Variants in CDKN2B-AS1 observed in about 807,000 individuals in gnomAD.
The protein encoded by CDKN2B-AS1 is CDKN2B antisense RNA 1 (non-protein coding).
chr9:22,013,082 A>C (rs1055251293), intron 1 of CDKN2B-AS1, among the ~76,000 whole-genome samples: 39 of 152,152 alleles, frequency 2.6e-4, no homozygotes, highest in Non-Finnish European at 8.8e-5. Flanking sequence ...CTCTTCACAT[A>C]GTCATCCCTC....
At chr9:22,071,126 A>G (rs912278034) in intron 4 of CDKN2B-AS1, among the ~76,000 whole-genome samples, 2 of 151,046 alleles carry the variant, frequency 1.3e-5, no homozygotes, top group African/African-American at 2.4e-5. Context: ...TTTTTAAAAA[A>G]TTCAATTGCA....
rs1820899973 is a variant in CDKN2B-AS1 at position 22,001,100 on chromosome 9, CAG to C, written n.29+5942_29+5943del. ...ATTCGTTTAAAATGGAATGGAGACC[CAG>C]AGGTCACATAAGACAGGGTTCAGAG... On this transcript the variant is annotated intron_variant and non_coding_transcript_variant, in intron 1 of 4. Coordinates refer to ENST00000650946, the Ensembl canonical transcript of CDKN2B-AS1. The surrounding 1 kb of genome is among the most constrained non-coding windows in gnomAD (Gnocchi z 4.2). Among the ~76,000 whole-genome samples the C allele has an allele frequency of 6.6e-6, 1 of 152,052 alleles. No individual in the cohort carries two copies. The highest frequency in any genetic ancestry group is 1.5e-5 in the Non-Finnish European group (1 of 67,992).
At chr9:22,045,038 T>TGTGTGTGTGTG (rs58026190) in intron 1 of CDKN2B-AS1, among the ~76,000 whole-genome samples, 274 of 141,934 alleles carry the variant, frequency 1.9e-3, no homozygotes, top group African/African-American at 6.5e-3. Context: ...TATTATTTAT[T>TGTGTGTGTGTG]TGTGTGTGTG....
intron 4 of CDKN2B-AS1, among the ~76,000 whole-genome samples, chr9:22,069,956 A>G (rs961565576): frequency 1.3e-5 from 2 of 152,008 alleles, no homozygotes; most frequent in African/African-American, 2.4e-5. Context: ...TCCGCCTCCC[A>G]GGTTCAAGTG....
intron 1 of CDKN2B-AS1, among the ~76,000 whole-genome samples, chr9:22,042,178 T>C (rs979884914): frequency 1.3e-5 from 2 of 152,056 alleles, no homozygotes; most frequent in Non-Finnish European, 2.9e-5. Flanking sequence ...TCAGAAGTTC[T>C]CTTTCCTATT....
intron 4 of CDKN2B-AS1, among the ~76,000 whole-genome samples, chr9:22,099,727 A>T (rs1016861660): frequency 2.8e-5 from 4 of 144,356 alleles, no homozygotes; most frequent in Admixed American, 1.4e-4. Context: ...TTAGATCCTG[A>T]TGTGGTATTA....
At chr9:22,003,287 T>A (rs1821002901) in intron 1 of CDKN2B-AS1, 1 of 204,590 alleles carries the variant, frequency 4.9e-6, no homozygotes, top group African/African-American at 2.3e-5. Context: ...TAAAAAAAAC[T>A]AACAAAACAA....
rs1488642912 is a variant in CDKN2B-AS1, at chr9:22,001,960, T to C, written n.29+6799T>C. Among the ~76,000 whole-genome samples the C allele has an allele frequency of 6.6e-6, 1 of 152,102 alleles. No individual in the cohort carries two copies. On this transcript the variant is annotated intron_variant and non_coding_transcript_variant, in intron 1 of 4. Transcript: ENST00000650946. This position sits in a 1 kb window ranked among gnomAD's most constrained non-coding sequence, Gnocchi z 4.2. ...TGTCGTTATAAGTAGAATAGGAAAA[T>C]ATTGAAAGTATTGAGGCTCAACTGT...
At position 22,095,105 on chromosome 9, in the gene CDKN2B-AS1, C is replaced by T. The variant is rs1339780455; in HGVS notation, n.439-31998C>T. ...CAGACGCTGTTTGCCTGGGTATCAG[C>T]AGCGGAGGCTGCAGAACGGCGAATG... On this transcript the variant is annotated intron_variant and non_coding_transcript_variant, in intron 4 of 4. Transcript: ENST00000650946. 7.6e-5 allele frequency among the ~76,000 whole-genome samples: 11 copies of T among 144,896 alleles called. 1 individual carries two copies. The highest frequency in any genetic ancestry group is 1.2e-4 in the Non-Finnish European group (8 of 67,906).
At chr9:22,055,965 A>G (rs954538319) in intron 3 of CDKN2B-AS1, among the ~76,000 whole-genome samples, 1 of 152,066 alleles carries the variant, frequency 6.6e-6, no homozygotes, top group Admixed American at 6.6e-5. Flanking sequence ...GGAAGAAAGC[A>G]TATTTTATTA....
At chr9:22,111,768 A>G (rs1354595129) in intron 4 of CDKN2B-AS1, among the ~76,000 whole-genome samples, 1 of 152,184 alleles carries the variant, frequency 6.6e-6, no homozygotes, top group Non-Finnish European at 1.5e-5. Context: ...TGAGACAAGC[A>G]CCCAGTAAAT....
rs1255966563 is a variant in CDKN2B-AS1, at chr9:22,020,209, CT to C, written n.29+25055del. ...CCCTGCAAAAGGACATGCTATTGTTCTTTTTTTATGGCTGCATAGTATTCCA... is the reference window on the plus strand; with the variant it reads ...CCCTGCAAAAGGACATGCTATTGTTCTTTTTTATGGCTGCATAGTATTCCA... On this transcript the variant is annotated intron_variant and non_coding_transcript_variant, in intron 1 of 4. Transcript: ENST00000650946. Among the ~76,000 whole-genome samples, 7 of 152,218 alleles carry C rather than the reference CT, an allele frequency of 4.6e-5. 1 individual carries two copies. The highest frequency in any genetic ancestry group is 3.3e-4 in the Admixed American group (5 of 15,276).
At chr9:22,026,824 G>C (rs1050722439) in intron 1 of CDKN2B-AS1, among the ~76,000 whole-genome samples, 1 of 152,182 alleles carries the variant, frequency 6.6e-6, no homozygotes, top group Non-Finnish European at 1.5e-5. Context: ...CCACGTGGCT[G>C]TGTGTGAAGG....
intron 4 of CDKN2B-AS1, among the ~76,000 whole-genome samples, chr9:22,115,960 A>G (rs2383207): frequency 0.64 from 97,608 of 152,034 alleles, 33,471 homozygotes; most frequent in African/African-American, 0.9. Flanking sequence ...GGATCCCTTC[A>G]GCTAAGCATG....
chr9:22,024,860 C>T (rs1468188285), intron 1 of CDKN2B-AS1, among the ~76,000 whole-genome samples: 1 of 152,142 alleles, frequency 6.6e-6, no homozygotes, highest in Admixed American at 6.5e-5. Flanking sequence ...TCAGGCATGG[C>T]CCACTGGTGC....
chr9:22,075,503 G>A (rs1374707623), intron 4 of CDKN2B-AS1, among the ~76,000 whole-genome samples: 2 of 152,214 alleles, frequency 1.3e-5, no homozygotes, highest in African/African-American at 2.4e-5. Flanking sequence ...GAATTATCCT[G>A]TGGAGAAAAG....
At chr9:22,009,057 T>G (rs1200178917) in intron 1 of CDKN2B-AS1, 1 of 1,538,528 alleles carries the variant, frequency 6.5e-7, no homozygotes, top group Non-Finnish European at 9.0e-7. Context: ...CACTCTCTCC[T>G]TCCTAGGAGA....
intron 4 of CDKN2B-AS1, chr9:22,119,691 C>T (rs1826049133): frequency 6.6e-6 from 1 of 152,210 alleles, no homozygotes; most frequent in South Asian, 2.1e-4. Context: ...GCGCATTTGA[C>T]ATACAGTGAC....
At position 22,075,280 on chromosome 9, in the gene CDKN2B-AS1, C is replaced by T. The variant is rs148680417; in HGVS notation, n.438+18893C>T. Among the ~76,000 whole-genome samples the T allele has an allele frequency of 5.3e-4, 81 of 152,288 alleles. 1 individual carries two copies. The East Asian group carries it at 0.015, about 29-fold the overall frequency. ...CTCTCAAGAGTCAGGATGTCTTTGCCTGTTGGCCTTCACCTTAAGAAAGTC... is the reference window on the plus strand; with the variant it reads ...CTCTCAAGAGTCAGGATGTCTTTGCTTGTTGGCCTTCACCTTAAGAAAGTC... On this transcript the variant is annotated intron_variant and non_coding_transcript_variant, in intron 4 of 4. Coordinates refer to ENST00000650946, the Ensembl canonical transcript of CDKN2B-AS1.
Sources: gnomAD v4.1 joint callset for allele counts (sites outside exome capture counted in the v4.1 genomes callset) on GRCh38, gnomAD v4.1.1 for gene constraint, Gnocchi (gnomAD v3.1) non-coding constraint, MANE v1.5 for transcripts, NCBI Gene and HGNC (gene_info 2026-07-23, HGNC 2026-07-21) for gene names.